Variants in PCDH11X observed in about 807,000 individuals in gnomAD.
PCDH11X encodes the protein protocadherin-11 X-linked.
PCDH11X carries 18 observed loss-of-function variants against 53.3 expected under a neutral mutation model. That is an observed-to-expected ratio of 0.34 (90% CI 0.23 to 0.50). PCDH11X has a LOEUF of 0.50. Ranked by LOEUF, PCDH11X falls within the 20% of genes least tolerant of loss-of-function variation. PCDH11X has a pLI of 0.98. For synonymous variants in PCDH11X, 279 were observed against 393.3 expected (o/e 0.71, Z 3.44); for missense variants, 570 against 1,032.4 (o/e 0.55, Z 6.14).
At chrX:92,037,013 G>C (rs2063136280) in intron 6 of PCDH11X, among the ~76,000 whole-genome samples, 1 of 111,554 alleles carries the variant, frequency 9.0e-6, no homozygotes, top group African/African-American at 3.3e-5. Flanking sequence ...ATATGATTTA[G>C]GGTATCTGGT....
chrX:92,117,384 CG>C, intron 6 of PCDH11X, among the ~76,000 whole-genome samples: 1 of 107,465 alleles, frequency 9.3e-6, no homozygotes, highest in East Asian at 2.9e-4. Context: ...TTCCAGTGAG[CG>C]GGGATCGGGC....
At chrX:92,245,883 A>G (rs1490217822) in intron 7 of PCDH11X, among the ~76,000 whole-genome samples, 3 of 112,027 alleles carry the variant, frequency 2.7e-5, no homozygotes, top group Non-Finnish European at 5.6e-5. Flanking sequence ...TAACTACATT[A>G]TAAAAATAAA....
intron 6 of PCDH11X, among the ~76,000 whole-genome samples, chrX:92,005,139 C>T (rs1395206651): frequency 9.0e-6 from 1 of 110,883 alleles, no homozygotes; most frequent in East Asian, 2.8e-4. Flanking sequence ...GCTTCTTTAT[C>T]CATGCAGCTG....
intron 8 of PCDH11X, among the ~76,000 whole-genome samples, chrX:92,297,640 G>A (rs1196494394): frequency 9.0e-6 from 1 of 111,196 alleles, no homozygotes; most frequent in Non-Finnish European, 1.9e-5. Flanking sequence ...GGGCTTTTTG[G>A]TGCCATATGA....
chrX:92,222,535 A>C (rs559140720), intron 7 of PCDH11X, among the ~76,000 whole-genome samples: 2 of 111,557 alleles, frequency 1.8e-5, no homozygotes, highest in African/African-American at 6.5e-5. Context: ...TATGATGTAG[A>C]ATTCTTTTGT....
chrX:91,786,000 A>G (rs1935325317), intron 1 of PCDH11X, among the ~76,000 whole-genome samples: 1 of 112,190 alleles, frequency 8.9e-6, no homozygotes, highest in African/African-American at 3.2e-5. Context: ...GAAACACTGC[A>G]TTCTCATTAT....
At chrX:92,492,031 A>G (rs959405923) in intron 10 of PCDH11X, among the ~76,000 whole-genome samples, 16 of 111,580 alleles carry the variant, frequency 1.4e-4, no homozygotes, top group African/African-American at 5.2e-4. Flanking sequence ...AATTTAATAT[A>G]GGCAAATATG....
At chrX:92,144,823 T>C (rs1404714159) in intron 6 of PCDH11X, among the ~76,000 whole-genome samples, 1 of 111,045 alleles carries the variant, frequency 9.0e-6, no homozygotes, top group Non-Finnish European at 1.9e-5. Context: ...TTATGCATTG[T>C]TAATTTTCTC....
intron 1 of PCDH11X, among the ~76,000 whole-genome samples, chrX:91,788,911 A>T (rs970267999): frequency 1.8e-5 from 2 of 112,130 alleles, no homozygotes; most frequent in African/African-American, 6.5e-5. Context: ...AGAATACCTT[A>T]AGTGTTGGCT....
At position 92,148,173 on chromosome X, in the gene PCDH11X, C is replaced by CTTTCTTTCTTTCT. The variant is rs1569389506; in HGVS notation, c.3034-53200_3034-53199insTCTTTCTTTCTTT. Among the ~76,000 whole-genome samples the CTTTCTTTCTTTCT allele has an allele frequency of 4.8e-4, 4 of 8,394 alleles. 2 individuals are homozygous for CTTTCTTTCTTTCT. Among genetic ancestry groups the CTTTCTTTCTTTCT allele is most frequent in the Non-Finnish European group, 4.4e-4 (2 of 4,554 alleles). 7.3% of individuals were successfully genotyped at this position (8,394 alleles called of 115,157 possible). On this transcript the variant is annotated intron_variant, in intron 6 of 10. Coordinates refer to ENST00000682573, the MANE Select transcript of PCDH11X (RefSeq NM_032968.5). ...CCTTCCTTCCTTCCTTCCTTCCTTC[C>CTTTCTTTCTTTCT]TTCTTTCTTTCTTTCTTTCTTTCTT...
Position 92,621,532 on chromosome X carries a change from A to G in PCDH11X, c.*2592A>G, listed in dbSNP as rs1363690672. On this transcript the variant is annotated 3_prime_UTR_variant, in exon 11 of 11. Coordinates refer to ENST00000682573, the MANE Select transcript of PCDH11X (RefSeq NM_032968.5). The stretch of plus-strand genomic sequence containing the variant: ...GAATGGAAGCAGGCTGAGAGTAGCC[A>G]AAGAGGCAAGGGGTATTAGCCCAGT... 1 of 110,328 alleles carries G rather than the reference A, an allele frequency of 9.1e-6. No homozygotes were observed. The highest frequency in any genetic ancestry group is 3.3e-5 in the African/African-American group (1 of 30,256). 9.1% of individuals were successfully genotyped at this position (110,328 alleles called of 1,213,427 possible). A position where few individuals can be genotyped will look rare whatever the true frequency, so the allele number is the denominator to read the frequency against.
intron 6 of PCDH11X, 167 bp downstream of exon 6, chrX:91,879,440 G>A: frequency 1.9e-6 from 2 of 1,056,937 alleles, no homozygotes; most frequent in Non-Finnish European, 2.5e-6. Context: ...GGTAGAAGAT[G>A]AGAACAAAAT....
Position 92,460,263 on chromosome X carries a change from G to A in PCDH11X, c.3344-8036G>A, listed in dbSNP as rs189926201. 9.5e-4 allele frequency: 805 copies of A among 848,612 alleles called. 9 individuals are homozygous for A. The highest frequency in any genetic ancestry group is 3.9e-4 in the Middle Eastern group (1 of 2,573). 69.9% of individuals were successfully genotyped at this position (848,612 alleles called of 1,213,427 possible). A position where few individuals can be genotyped will look rare whatever the true frequency, so the allele number is the denominator to read the frequency against. ...CCAATGTCACTTGACTGCAGCTGGAGACAGAGATTGAGGCTCTCAGGGAGG... is the reference window on the plus strand; with the variant it reads ...CCAATGTCACTTGACTGCAGCTGGAAACAGAGATTGAGGCTCTCAGGGAGG... On this transcript the variant is annotated intron_variant, in intron 9 of 10. Transcript: ENST00000682573.
intron 6 of PCDH11X, among the ~76,000 whole-genome samples, chrX:92,037,197 T>C (rs1190395187): frequency 1.8e-5 from 2 of 110,548 alleles, no homozygotes; most frequent in Non-Finnish European, 3.8e-5. Context: ...GTCCTGATGC[T>C]GTCGCTCCCC....
intron 6 of PCDH11X, among the ~76,000 whole-genome samples, chrX:92,198,949 T>C (rs1304242795): frequency 9.0e-6 from 1 of 111,509 alleles, no homozygotes; most frequent in Non-Finnish European, 1.9e-5. Flanking sequence ...ATAAATAAAA[T>C]AATTCAAGAA....
intron 7 of PCDH11X, among the ~76,000 whole-genome samples, chrX:92,233,151 G>A (rs2067112526): frequency 1.0e-5 from 1 of 99,623 alleles, no homozygotes; most frequent in South Asian, 4.5e-4. Flanking sequence ...TGTACTCTTA[G>A]GTAATAATTC....
At chrX:92,576,427 G>A (rs1417984003) in intron 10 of PCDH11X, among the ~76,000 whole-genome samples, 1 of 92,287 alleles carries the variant, frequency 1.1e-5, no homozygotes, top group East Asian at 3.4e-4. Flanking sequence ...GATAAGTAAA[G>A]ACTTGCTCCT....
rs1556444294 is a variant in PCDH11X, at chrX:92,484,183, ATATATATG to A, written c.3367+15885_3367+15892del. ...TGTATATATGTATATATATGTATGT[ATATATATG>A]TATATATGTATATATGTATATATAT... On this transcript the variant is annotated intron_variant, in intron 10 of 10. Coordinates refer to ENST00000682573, the MANE Select transcript of PCDH11X (RefSeq NM_032968.5). 9.7e-4 allele frequency among the ~76,000 whole-genome samples: 32 copies of A among 32,988 alleles called. 1 individual carries two copies. The highest frequency in any genetic ancestry group is 7.4e-4 in the Non-Finnish European group (11 of 14,916). The allele number at this position is 32,988 out of a possible 115,157, so 28.6% of individuals were successfully genotyped here. A position where few individuals can be genotyped will look rare whatever the true frequency, so the allele number is the denominator to read the frequency against.
chrX:92,110,764 C>T (rs930418370), intron 6 of PCDH11X, among the ~76,000 whole-genome samples: 1 of 110,686 alleles, frequency 9.0e-6, no homozygotes, highest in African/African-American at 3.3e-5. Flanking sequence ...ATCTGGTAGC[C>T]ATCTCATCGA....
Sources: allele counts gnomAD v4.1 joint callset (sites outside exome capture counted in the v4.1 genomes callset), GRCh38; gene constraint gnomAD v4.1.1; transcripts MANE v1.5; gene names NCBI Gene and HGNC (gene_info 2026-07-23, HGNC 2026-07-21).